Variants in WDR59 observed in about 807,000 individuals in gnomAD.
WDR59 encodes the protein GATOR2 complex protein WDR59.
A neutral mutation model predicts 131.2 loss-of-function variants in WDR59; 100 were observed. That is an observed-to-expected ratio of 0.76 (90% CI 0.65 to 0.90). WDR59 has a LOEUF of 0.90. Among genes scored for constraint, WDR59 ranks in the 40% least tolerant of loss-of-function variants. The probability of loss-of-function intolerance (pLI) is 0.00; values close to 1 mark genes in which losing one functional copy is unlikely to be tolerated. For missense variants in WDR59, 1,203 were observed against 1,262.2 expected, an observed-to-expected ratio of 0.95 and a Z score of 0.71; for synonymous variants, 601 against 466.2, an observed-to-expected ratio of 1.29 and a Z score of -3.72.
intron 18 of WDR59, among the ~76,000 whole-genome samples, chr16:74,894,353 T>G (rs1965187374): frequency 6.6e-6 from 1 of 152,182 alleles, no homozygotes. Context: ...ACTTGAATTA[T>G]TTCTAAAAGT....
intron 17 of WDR59, among the ~76,000 whole-genome samples, chr16:74,907,197 C>G (rs1033922652): frequency 1.3e-5 from 2 of 152,186 alleles, no homozygotes; most frequent in African/African-American, 4.8e-5. Flanking sequence ...TGTCTGCTCA[C>G]ACAGTTCTCT....
At position 74,973,321 on chromosome 16, in the gene WDR59, G is replaced by A. The variant is rs1381317638; in HGVS notation, c.55-7499C>T. On this transcript the variant is annotated intron_variant, in intron 1 of 25. Coordinates refer to ENST00000262144, the MANE Select transcript of WDR59 (RefSeq NM_030581.4). ...CTTTTTAGATTGGGGTTGGCGGGGG[G>A]GCCGGTCTCTCTCCATCACCCCAGC... Among the ~76,000 whole-genome samples, 14 of 152,218 alleles carry A rather than the reference G, an allele frequency of 9.2e-5. No homozygotes were observed. In the East Asian group the frequency reaches 2.5e-3, roughly 27 times the overall value.
intron 25 of WDR59, among the ~76,000 whole-genome samples, chr16:74,882,786 G>A (rs1183311758): frequency 1.7e-5 from 2 of 118,410 alleles, no homozygotes; most frequent in Non-Finnish European, 3.2e-5. Flanking sequence ...GTCCAGCCTC[G>A]GCGACAGAGC....
rs745347672 is a variant in WDR59, at chr16:74,949,712, T to G, written c.407+6A>C. On this transcript the variant is annotated splice_donor_region_variant and intron_variant, in intron 5 of 25. Transcript: ENST00000262144. ...CCAAGTGGTTATGCCTCCTAATTGTTCTTACTTGATATCCCAAATGTAGAT... is the reference window on the plus strand; with the variant it reads ...CCAAGTGGTTATGCCTCCTAATTGTGCTTACTTGATATCCCAAATGTAGAT... The G allele has an allele frequency of 5.9e-5, 95 of 1,613,354 alleles. No homozygotes were observed. The East Asian group carries it at 2.1e-3, about 35-fold the overall frequency.
intron 25 of WDR59, among the ~76,000 whole-genome samples, chr16:74,882,807 C>CAAAAAAAAAAAA (rs569507124): frequency 4.1e-4 from 21 of 51,418 alleles, no homozygotes; most frequent in African/African-American, 9.7e-4. Flanking sequence ...AACACTGTCT[C>CAAAAAAAAAAAA]AAAAAAAAAA....
chr16:74,931,127 A>G (rs2031351563), intron 8 of WDR59, among the ~76,000 whole-genome samples: 1 of 152,054 alleles, frequency 6.6e-6, no homozygotes, highest in African/African-American at 2.4e-5. Flanking sequence ...TTGATTTTTA[A>G]CATACTATTC....
chr16:74,957,609 A>T (rs1406781078), intron 2 of WDR59, among the ~76,000 whole-genome samples: 1 of 152,210 alleles, frequency 6.6e-6, no homozygotes, highest in Admixed American at 6.6e-5. Flanking sequence ...ATGAAGTGCC[A>T]GTAATGTTTA....
At chr16:74,921,214 A>G (rs565539947) in intron 10 of WDR59, among the ~76,000 whole-genome samples, 3 of 151,948 alleles carry the variant, frequency 2.0e-5, no homozygotes, top group Non-Finnish European at 4.4e-5. Flanking sequence ...CTAGTACCCA[A>G]TGGTTATTTT....
rs1329904759 is a variant in WDR59 at position 74,892,518 on chromosome 16, G to C, written c.2048C>G (p.Ser683Cys). Reference sequence around the variant, plus strand: ...ATCCTTTCTTCCAACGAGCAAGGCAGAGGCGGCATTCTTCTGACATGTTTC... The same window carrying C: ...ATCCTTTCTTCCAACGAGCAAGGCACAGGCGGCATTCTTCTGACATGTTTC... Reference protein sequence around the residue: ...IQETCQKNAASALLVGRKDLV... With the variant: ...IQETCQKNAACALLVGRKDLV... The change falls in exon 20 of 26, where the codon TCT becomes TGT. Residue 683 changes from serine to cysteine, a missense_variant. By Grantham distance (112) the Ser-to-Cys change is moderately radical (BLOSUM62 -1). Transcript: ENST00000262144. The C allele has an allele frequency of 6.2e-7, 1 of 1,613,958 alleles. No homozygotes were observed. Among genetic ancestry groups the C allele is most frequent in the Non-Finnish European group, 8.5e-7 (1 of 1,179,974 alleles).
Position 74,938,226 on chromosome 16 carries a change from G to A in WDR59, c.575C>T (p.Ser192Phe). The A allele has an allele frequency of 6.4e-7, 1 of 1,568,548 alleles. No homozygotes were observed. The highest frequency in any genetic ancestry group is 8.6e-7 in the Non-Finnish European group (1 of 1,156,586). ...TAVEYLAAHL[S>F]KIHGLDWHPD... ...GTGCCAGTCCAGGCCATGGATTTTG[G>A]AGAGGTGGGCGGCTAGATATTCCAC... is the stretch of plus-strand genomic sequence containing the variant. The change falls in exon 8 of 26, where the codon TCC becomes TTC. Residue 192 changes from serine to phenylalanine, a missense_variant. Ser to Phe is a radical substitution (Grantham distance 155). Coordinates refer to ENST00000262144, the MANE Select transcript of WDR59 (RefSeq NM_030581.4).
intron 2 of WDR59, among the ~76,000 whole-genome samples, chr16:74,957,317 G>C (rs1333779211): frequency 1.3e-5 from 2 of 152,000 alleles, no homozygotes; most frequent in East Asian, 3.9e-4. Flanking sequence ...CTGACCTCGG[G>C]TGATCCACCT....
chr16:74,910,187 C>T (rs11149784), intron 14 of WDR59, among the ~76,000 whole-genome samples: 54,230 of 151,658 alleles, frequency 0.36, 9,731 homozygotes, highest in Middle Eastern at 0.4. Flanking sequence ...AGGCTGGTCT[C>T]GAACTCCTGA....
intron 13 of WDR59, among the ~76,000 whole-genome samples, chr16:74,913,631 T>C (rs1254029142): frequency 7.9e-5 from 12 of 152,068 alleles, no homozygotes; most frequent in Admixed American, 7.9e-4. Context: ...CTCCCAAAGC[T>C]GTGGGGTAGA....
In WDR59 at chr16:74,941,386, G is replaced by T. The variant is rs532952004; in HGVS notation, c.534+1352C>A. ...GGAAAATGGCCATAAAGGAACAGAA[G>T]ACAAAAACTAACATATAGAAGATGT... On this transcript the variant is annotated intron_variant, in intron 7 of 25. Transcript: ENST00000262144. Among the ~76,000 whole-genome samples, 131 of 147,190 alleles carry T rather than the reference G, an allele frequency of 8.9e-4. 1 individual carries two copies. The highest frequency in any genetic ancestry group is 3.2e-3 in the African/African-American group (128 of 40,058).
chr16:74,973,070 T>A (rs2034051797), intron 1 of WDR59, among the ~76,000 whole-genome samples: 2 of 151,510 alleles, frequency 1.3e-5, no homozygotes, highest in African/African-American at 4.9e-5. Context: ...AGAAACCCCA[T>A]CTCTACTAAA....
chr16:74,931,464 T>G (rs2031378346), intron 8 of WDR59, among the ~76,000 whole-genome samples: 1 of 152,066 alleles, frequency 6.6e-6, no homozygotes, highest in Non-Finnish European at 1.5e-5. Context: ...GCCTCCCAAG[T>G]AGCTGGGACT....
chr16:74,969,012 A>G lies in WDR59; in HGVS notation c.55-3190T>C, dbSNP rs78078515. Among the ~76,000 whole-genome samples, 27 of 152,238 alleles carry G rather than the reference A, an allele frequency of 1.8e-4. No individual in the cohort carries two copies. The East Asian group carries it at 5.2e-3, about 29-fold the overall frequency. On this transcript the variant is annotated intron_variant, in intron 1 of 25. Coordinates refer to ENST00000262144, the MANE Select transcript of WDR59 (RefSeq NM_030581.4). Reference sequence around the variant, plus strand: ...GCTTTGTGGGGGAAAGGAGTCTGCAATCCAAGCCCTCTCCACCCTCAGCAC... The same window carrying G: ...GCTTTGTGGGGGAAAGGAGTCTGCAGTCCAAGCCCTCTCCACCCTCAGCAC...
At chr16:74,954,428 A>C (rs1329906263) in intron 3 of WDR59, among the ~76,000 whole-genome samples, 11 of 152,204 alleles carry the variant, frequency 7.2e-5, no homozygotes, top group Admixed American at 7.2e-4. Flanking sequence ...AAACAAAAAG[A>C]CATAACAAAG....
chr16:74,973,494 C>G (rs1241594501), intron 1 of WDR59, among the ~76,000 whole-genome samples: 2 of 152,028 alleles, frequency 1.3e-5, no homozygotes, highest in African/African-American at 4.8e-5. Flanking sequence ...ACTCTGTTGC[C>G]CCGGCTGGTC....
Sources: gnomAD v4.1 joint callset for allele counts (sites outside exome capture counted in the v4.1 genomes callset) on GRCh38, gnomAD v4.1.1 for gene constraint, MANE v1.5 for transcripts, NCBI Gene and HGNC (gene_info 2026-07-23, HGNC 2026-07-21) for gene names.